CHD1: variants seen among roughly 807,000 people sequenced by gnomAD.
The protein encoded by CHD1 is ATP-dependent chromatin remodeler CHD1.
CHD1 carries 36 observed loss-of-function variants against 224.2 expected under a neutral mutation model. That is an observed-to-expected ratio of 0.16 (90% CI 0.12 to 0.21). The LOEUF is 0.21. CHD1 is among the 10% of genes least tolerant of loss of function. The pLI is 1.00. For missense variants in CHD1, 1,378 were observed against 1,994.8 expected (o/e 0.69, Z 5.89); for synonymous variants, 668 against 658.3 (o/e 1.01, Z -0.23).
At chr5:98,899,349 C>T (rs571494011) in intron 8 of CHD1, 131 bp downstream of exon 8, 2 of 631,834 alleles carry the variant, frequency 3.2e-6, no homozygotes, top group East Asian at 2.8e-5. Flanking sequence ...TGGACAAAGA[C>T]AGCCAACTGT....
chr5:98,887,985 T>A (rs1375279186), intron 17 of CHD1, 103 bp downstream of exon 17: 1 of 667,554 alleles, frequency 1.5e-6, no homozygotes, highest in South Asian at 3.8e-5. Flanking sequence ...AAGTACAGTT[T>A]ATATAAAAAC....
intron 15 of CHD1, among the ~76,000 whole-genome samples, chr5:98,890,784 T>C (rs1750965953): frequency 6.6e-6 from 1 of 152,196 alleles, no homozygotes. Flanking sequence ...AGGATACTGT[T>C]AAACTATTTT....
chr5:98,903,153 C>T (rs967934869), intron 4 of CHD1, among the ~76,000 whole-genome samples, 189 bp from the exon 5 acceptor site: 3 of 151,994 alleles, frequency 2.0e-5, no homozygotes, highest in African/African-American at 7.3e-5. Context: ...TTAATATAGC[C>T]AGTGAAATTA....
At chr5:98,926,291 A>T in intron 2 of CHD1, 43 bp downstream of exon 2, 1 of 1,215,538 alleles carries the variant, frequency 8.2e-7, no homozygotes, top group Non-Finnish European at 1.2e-6. Flanking sequence ...CAAGTTTTCA[A>T]CTCTCTTCAT....
In CHD1 at chr5:98,898,708, G is replaced by T; in HGVS notation, c.1142C>A (p.Thr381Lys). ...VEYYNCQQEL[T>K]DDLHKQYQIV... ...TTGATACTGTTTATGTAGATCATCTGTAAGTTCTTGCTGGCAATTATAATA... is the reference window on the plus strand; with the variant it reads ...TTGATACTGTTTATGTAGATCATCTTTAAGTTCTTGCTGGCAATTATAATA... The change falls in exon 9 of 36, where the codon ACA becomes AAA. Residue 381 changes from threonine to lysine, a missense_variant. By Grantham distance (78) the Thr-to-Lys change is moderately conservative (BLOSUM62 -1). Coordinates refer to ENST00000614616, the MANE Select transcript of CHD1 (RefSeq NM_001270.4). 6.3e-7 allele frequency: 1 copy of T among 1,597,268 alleles called. No homozygotes were observed. The highest frequency in any genetic ancestry group is 8.6e-7 in the Non-Finnish European group (1 of 1,165,900).
chr5:98,895,749 A>C (rs951476975), intron 12 of CHD1, among the ~76,000 whole-genome samples: 10 of 151,786 alleles, frequency 6.6e-5, no homozygotes, highest in East Asian at 1.9e-4. Flanking sequence ...TGAAAACAAA[A>C]AAAAAAAAAC....
At position 98,894,639 on chromosome 5, in the gene CHD1, A is replaced by C. The variant is rs1470245730; in HGVS notation, c.1758T>G (p.Phe586Leu). The C allele has an allele frequency of 6.8e-7, 1 of 1,466,172 alleles. No individual in the cohort carries two copies. The highest frequency in any genetic ancestry group is 1.4e-5 in the African/African-American group (1 of 70,632). The allele number at this position is 1,466,172 out of a possible 1,614,324, so 90.8% of individuals were successfully genotyped here. Residue 586 changes from phenylalanine to leucine, a missense_variant, in exon 13 of 36, where the codon TTT (phenylalanine) becomes TTG (leucine). Around this residue, in one of 16 missense-constraint regions of CHD1, gnomAD observed 49 missense variants for 135.7 expected, o/e 0.36. Transcript: ENST00000614616. ...WTHHQTKRLK[F>L]NILLTTYEIL... is the part of the protein sequence containing the mutation. ...TTTCATAAGTTGTTAACAATATATT[A>C]AATTTTAACCGTTTGGTCTGATGAT...
chr5:98,892,469 G>C lies in CHD1; in HGVS notation c.2180+56C>G, dbSNP rs1751086206. The C allele has an allele frequency of 4.5e-6, 6 of 1,331,062 alleles. No individual in the cohort carries two copies. In the Admixed American group the frequency reaches 1.2e-4, roughly 26 times the overall value. 82.5% of individuals were successfully genotyped at this position (1,331,062 alleles called of 1,614,324 possible). On this transcript the variant is annotated intron_variant, in intron 15 of 35. Coordinates refer to ENST00000614616, the MANE Select transcript of CHD1 (RefSeq NM_001270.4). Reference sequence around the variant, plus strand: ...GTGGGGGCACCAAAAGCAGGACACAGACATGGAAGGTTTTCAGAATTAGAA... The same window carrying C: ...GTGGGGGCACCAAAAGCAGGACACACACATGGAAGGTTTTCAGAATTAGAA...
In CHD1 at chr5:98,889,098, T is replaced by A. The variant is rs144567251; in HGVS notation, c.2321A>T (p.Tyr774Phe). Residue 774 changes from tyrosine to phenylalanine, a missense_variant, in exon 16 of 36, where the codon TAT (tyrosine) becomes TTT (phenylalanine). This residue lies in a region of CHD1 where 58 missense variants were observed against 90.0 expected (regional missense o/e 0.64). Coordinates refer to ENST00000614616, the MANE Select transcript of CHD1 (RefSeq NM_001270.4). ...TACTTGTAAGGCCTCCTGTTTATTATAGAATTCATTATTATCTGGTGGTTT... is the reference window on the plus strand; with the variant it reads ...TACTTGTAAGGCCTCCTGTTTATTAAAGAATTCATTATTATCTGGTGGTTT... ...LIKPPDNNEFYNKQEALQHLI... is the reference protein window; with the variant it reads ...LIKPPDNNEFFNKQEALQHLI... The A allele has an allele frequency of 2.1e-3, 3,386 of 1,591,824 alleles. 14 individuals are homozygous for A. Among genetic ancestry groups the A allele is most frequent in the Non-Finnish European group, 2.6e-3 (3,074 of 1,162,710 alleles).
intron 4 of CHD1, 122 bp from the exon 5 acceptor site, chr5:98,903,086 T>C (rs543942875): frequency 6.1e-5 from 31 of 509,018 alleles, no homozygotes; most frequent in South Asian, 5.3e-4. Flanking sequence ...GAAGCCTTTT[T>C]TCAATGTAGT....
intron 31 of CHD1, 66 bp from the exon 32 acceptor site, chr5:98,863,652 T>A (rs1319475746): frequency 1.9e-6 from 2 of 1,040,500 alleles, no homozygotes; most frequent in East Asian, 2.4e-5. Context: ...AAGGTCTACC[T>A]CCTTCAATGA....
intron 31 of CHD1, among the ~76,000 whole-genome samples, chr5:98,866,071 A>G (rs1158654831): frequency 6.6e-6 from 1 of 152,092 alleles, no homozygotes; most frequent in Non-Finnish European, 1.5e-5. Context: ...GCTAAAGAAT[A>G]CCACCTCCCC....
At chr5:98,916,791 T>C (rs147554520) in intron 2 of CHD1, among the ~76,000 whole-genome samples, 68 of 152,264 alleles carry the variant, frequency 4.5e-4, no homozygotes, top group African/African-American at 1.6e-3. Flanking sequence ...ATGTACCAGA[T>C]GCTAGGGTGG....
chr5:98,892,550 T>C lies in CHD1; in HGVS notation c.2155A>G (p.Ser719Gly), dbSNP rs1751090987. ...TTGTAATATTGTTTCTGTAAAGCAC[T>C]CATTTCCATTCTTAAAATCTGCTCA... ...KVEQILRMEMSALQKQYYKWI... is the reference protein window; with the variant it reads ...KVEQILRMEMGALQKQYYKWI... Residue 719 changes from serine (S) to glycine (G), a missense_variant, in exon 15 of 36, where the codon AGT becomes GGT. Transcript: ENST00000614616. 1.9e-6 allele frequency: 3 copies of C among 1,613,594 alleles called. No individual in the cohort carries two copies. The highest frequency in any genetic ancestry group is 2.5e-6 in the Non-Finnish European group (3 of 1,179,644).
chr5:98,926,294 C>G (rs759123315), intron 2 of CHD1, 40 bp downstream of exon 2: 1 of 1,249,296 alleles, frequency 8.0e-7, no homozygotes, highest in East Asian at 2.6e-5. Flanking sequence ...GTTTTCAACT[C>G]TCTTCATAGT....
intron 1 of CHD1, among the ~76,000 whole-genome samples, chr5:98,928,171 C>G (rs966799008): frequency 6.6e-6 from 1 of 151,866 alleles, no homozygotes; most frequent in African/African-American, 2.4e-5. Context: ...CTCGCCCGAG[C>G]CGCCGCCCCC....
chr5:98,903,669 A>C, intron 4 of CHD1, 123 bp downstream of exon 4: 1 of 786,308 alleles, frequency 1.3e-6, no homozygotes, highest in Admixed American at 1.8e-5. Context: ...TGATATATAC[A>C]CTTAAAGTAT....
In CHD1 at chr5:98,899,634, T is replaced by C. The variant is rs1375492903; in HGVS notation, c.931A>G (p.Lys311Glu). 6.2e-7 allele frequency: 1 copy of C among 1,613,926 alleles called. No homozygotes were observed. Among genetic ancestry groups the C allele is most frequent in the African/African-American group, 1.3e-5 (1 of 74,930 alleles). ...AAATACTGAATCTCTCCTGGTTCTT[T>C]GTTTTTTTCAAAGCCTGCATTTGGG... ...GDPNAGFEKNKEPGEIQYLIK... is the reference protein window; with the variant it reads ...GDPNAGFEKNEEPGEIQYLIK... The change falls in exon 8 of 36, where the codon AAA (lysine) becomes GAA (glutamate). Residue 311 changes from lysine to glutamate, a missense_variant. Physicochemically the swap from Lys to Glu is moderately conservative, Grantham distance 56. Coordinates refer to ENST00000614616, the MANE Select transcript of CHD1 (RefSeq NM_001270.4).
chr5:98,884,538 G>T (rs947286338), intron 18 of CHD1, among the ~76,000 whole-genome samples: 1 of 152,084 alleles, frequency 6.6e-6, no homozygotes, highest in African/African-American at 2.4e-5. Context: ...AGCGATAAAA[G>T]ACTACAAATT....
Sources: gnomAD v4.1 joint callset for allele counts (sites outside exome capture counted in the v4.1 genomes callset) on GRCh38, gnomAD v4.1.1 for gene constraint, gnomAD v4.1.1 regional missense constraint, MANE v1.5 for transcripts, NCBI Gene and HGNC (gene_info 2026-07-23, HGNC 2026-07-21) for gene names.